GPC5: variants seen among roughly 807,000 people sequenced by gnomAD.
GPC5 encodes the protein glypican-5.
Under a neutral mutation model 53.9 loss-of-function variants are expected in GPC5, and 47 were observed. The observed-to-expected ratio is 0.87, with a 90% CI of 0.69 to 1.11. The LOEUF (loss-of-function observed/expected upper bound fraction) is 1.11. Among genes scored for constraint, GPC5 ranks in the 50% most tolerant of loss-of-function variants. GPC5 has a pLI of 0.00. For missense variants in GPC5, 748 were observed against 713.1 expected (o/e 1.05, Z -0.56); for synonymous variants, 286 against 263.3 (o/e 1.09, Z -0.84).
At chr13:91,696,674 G>GAT (rs1212777647) in intron 3 of GPC5, among the ~76,000 whole-genome samples, 5 of 151,868 alleles carry the variant, frequency 3.3e-5, no homozygotes, top group East Asian at 1.9e-4. Context: ...GGAGATACCT[G>GAT]ATATATATAT....
chr13:92,048,988 T>C (rs1402732308), intron 6 of GPC5, among the ~76,000 whole-genome samples: 1 of 152,184 alleles, frequency 6.6e-6, no homozygotes, highest in Non-Finnish European at 1.5e-5. Context: ...ATGAGTAAGA[T>C]AAATTTTCTA....
chr13:91,488,537 C>A (rs906555731), intron 2 of GPC5, among the ~76,000 whole-genome samples: 1 of 152,138 alleles, frequency 6.6e-6, no homozygotes, highest in Non-Finnish European at 1.5e-5. Context: ...ATTTCTTATG[C>A]CTGTCATTAC....
At chr13:92,801,637 C>A (rs1333853287) in intron 7 of GPC5, among the ~76,000 whole-genome samples, 1 of 151,580 alleles carries the variant, frequency 6.6e-6, no homozygotes, top group Non-Finnish European at 1.5e-5. Context: ...TATGTTCTTG[C>A]CCCTGAAGAC....
intron 6 of GPC5, among the ~76,000 whole-genome samples, chr13:92,055,359 G>A (rs1016549401): frequency 9.9e-5 from 15 of 151,998 alleles, no homozygotes; most frequent in African/African-American, 3.6e-4. Flanking sequence ...AATTGGATGT[G>A]GTAATTGATT....
rs975890220 is a variant in GPC5, at chr13:92,389,993, T to C, written c.1561+245004T>C. On this transcript the variant is annotated intron_variant, in intron 7 of 7. Transcript: ENST00000377067. ...AAATAAAACTGGCACTATGGTAATA[T>C]ATTTAAAGTAGGAACCAAATTATAA... Among the ~76,000 whole-genome samples the C allele has an allele frequency of 1.4e-3, 210 of 152,274 alleles. 1 individual carries two copies. Among genetic ancestry groups the C allele is most frequent in the African/African-American group, 4.8e-3 (201 of 41,560 alleles).
intron 7 of GPC5, among the ~76,000 whole-genome samples, chr13:92,587,003 A>T (rs1002088823): frequency 2.6e-5 from 4 of 152,022 alleles, no homozygotes; most frequent in Non-Finnish European, 5.9e-5. Context: ...ATACACAGGA[A>T]CACAGTTTTA....
intron 2 of GPC5, among the ~76,000 whole-genome samples, chr13:91,466,451 C>T (rs1882245569): frequency 6.6e-6 from 1 of 152,148 alleles, no homozygotes; most frequent in Non-Finnish European, 1.5e-5. Flanking sequence ...TTTGTTTCAA[C>T]TGCTGTTCTC....
chr13:92,815,795 T>TA (rs1877452886), intron 7 of GPC5, among the ~76,000 whole-genome samples: 1 of 151,770 alleles, frequency 6.6e-6, no homozygotes, highest in African/African-American at 2.4e-5. Context: ...GAATGTGAAA[T>TA]ATGAGAAGGT....
intron 7 of GPC5, among the ~76,000 whole-genome samples, chr13:92,507,645 A>C (rs942367019): frequency 6.6e-6 from 1 of 152,204 alleles, no homozygotes; most frequent in Non-Finnish European, 1.5e-5. Flanking sequence ...CTAAAAGCAA[A>C]GTAAAGTTAT....
chr13:92,793,020 C>T (rs944538274), intron 7 of GPC5, among the ~76,000 whole-genome samples: 2 of 152,112 alleles, frequency 1.3e-5, no homozygotes, highest in African/African-American at 4.8e-5. Flanking sequence ...GAACTCAGCT[C>T]TGCACCAAGC....
intron 7 of GPC5, among the ~76,000 whole-genome samples, chr13:92,694,141 T>C (rs1887492569): frequency 6.6e-6 from 1 of 152,172 alleles, no homozygotes; most frequent in African/African-American, 2.4e-5. Context: ...AATGCCTAGA[T>C]TTCAAAGGAT....
intron 7 of GPC5, among the ~76,000 whole-genome samples, chr13:92,693,627 G>A (rs977344561): frequency 1.3e-5 from 2 of 152,126 alleles, no homozygotes; most frequent in Non-Finnish European, 2.9e-5. Flanking sequence ...TTCAAGCGGT[G>A]ACCTGGCTGA....
intron 7 of GPC5, among the ~76,000 whole-genome samples, chr13:92,506,334 C>T (rs1347162075): frequency 6.6e-6 from 1 of 151,696 alleles, no homozygotes; most frequent in Non-Finnish European, 1.5e-5. Flanking sequence ...GTTTATATTT[C>T]AGAAATTAAA....
intron 7 of GPC5, among the ~76,000 whole-genome samples, chr13:92,371,626 G>C (rs533865412): frequency 2.0e-5 from 3 of 152,134 alleles, no homozygotes; most frequent in Non-Finnish European, 2.9e-5. Flanking sequence ...GAGAAGCAAC[G>C]CATCTTCTTC....
chr13:91,526,356 AGGGAAG>A (rs1886086727), intron 2 of GPC5, among the ~76,000 whole-genome samples: 1 of 152,158 alleles, frequency 6.6e-6, no homozygotes. Flanking sequence ...CCTTCCTGGT[AGGGAAG>A]GGTGATGAGA....
chr13:91,603,445 A>G (rs1404559131), intron 2 of GPC5, among the ~76,000 whole-genome samples: 1 of 152,240 alleles, frequency 6.6e-6, no homozygotes, highest in Non-Finnish European at 1.5e-5. Context: ...GGTGCAGTCC[A>G]CGGTTAGTGG....
At chr13:92,260,144 C>A (rs1252816412) in intron 7 of GPC5, among the ~76,000 whole-genome samples, 2 of 152,116 alleles carry the variant, frequency 1.3e-5, no homozygotes, top group African/African-American at 4.8e-5. Context: ...GTCTGTCTAA[C>A]TGAAACTGGA....
chr13:91,948,415 T>A (rs2039995425), intron 6 of GPC5, among the ~76,000 whole-genome samples: 1 of 152,106 alleles, frequency 6.6e-6, no homozygotes, highest in African/African-American at 2.4e-5. Context: ...TAATATTCAT[T>A]GAATGTGTAC....
chr13:92,557,141 C>T (rs899505967), intron 7 of GPC5, among the ~76,000 whole-genome samples: 2 of 151,218 alleles, frequency 1.3e-5, no homozygotes, highest in African/African-American at 4.9e-5. Flanking sequence ...AGGGATATAG[C>T]GCTATTCTAG....
Sources: allele counts gnomAD v4.1 joint callset (sites outside exome capture counted in the v4.1 genomes callset), GRCh38; gene constraint gnomAD v4.1.1; transcripts MANE v1.5; gene names NCBI Gene and HGNC (gene_info 2026-07-23, HGNC 2026-07-21).